The following KLHL1 variants were observed in gnomAD, a reference collection of about 807,000 sequenced individuals.
KLHL1 encodes kelch like family member 1.
Under a neutral mutation model 77.7 loss-of-function variants are expected in KLHL1, and 47 were observed. That is an observed-to-expected ratio of 0.60 (90% CI 0.48 to 0.77). The LOEUF is 0.77. Ranked by LOEUF, KLHL1 falls within the 30% of genes least tolerant of loss-of-function variation. The pLI, the probability that KLHL1 is intolerant of heterozygous loss-of-function variation, is 0.00. For synonymous variants in KLHL1, 360 were observed against 325.2 expected (o/e 1.11, Z -1.15); for missense variants, 925 against 910.8 (o/e 1.02, Z -0.20).
chr13:69,825,428 T>C (rs1878507262), intron 6 of KLHL1, among the ~76,000 whole-genome samples: 1 of 152,094 alleles, frequency 6.6e-6, no homozygotes, highest in African/African-American at 2.4e-5. Flanking sequence ...AGGAAAAACC[T>C]GCCAGTTAAA....
At position 70,107,367 on chromosome 13, in the gene KLHL1, G is replaced by T; in HGVS notation, c.333C>A (p.Gly111=). ...TRLQQGAPGQ[G]TQQPARTLFY... ...AGAGAGTCCTGGCTGGCTGCTGAGT[G>T]CCCTGCCCAGGAGCCCCTTGCTGCA... Residue 111 remains glycine (G), a synonymous_variant, in exon 1 of 11, where the codon GGC becomes GGA. Coordinates refer to ENST00000377844, the MANE Select transcript of KLHL1 (RefSeq NM_020866.3). 6.2e-7 allele frequency: 1 copy of T among 1,614,078 alleles called. No homozygotes were observed. Among genetic ancestry groups the T allele is most frequent in the Non-Finnish European group, 8.5e-7 (1 of 1,180,028 alleles).
intron 4 of KLHL1, among the ~76,000 whole-genome samples, chr13:69,925,808 C>T (rs1364463445): frequency 6.6e-6 from 1 of 152,172 alleles, no homozygotes; most frequent in Non-Finnish European, 1.5e-5. Context: ...TTGTTACTCT[C>T]ATTCATGAGA....
intron 1 of KLHL1, among the ~76,000 whole-genome samples, chr13:69,989,781 G>C (rs973215126): frequency 3.3e-5 from 5 of 151,874 alleles, no homozygotes; most frequent in Non-Finnish European, 4.4e-5. Context: ...TTAGTGTATA[G>C]GAATGCTACT....
intron 8 of KLHL1, among the ~76,000 whole-genome samples, chr13:69,721,079 A>ATATATATATATAT (rs1555300737): frequency 6.7e-4 from 45 of 67,604 alleles, no homozygotes; most frequent in Non-Finnish European, 1.1e-3. Flanking sequence ...ATATATATAT[A>ATATATATATATAT]AAGCTATGTA....
intron 5 of KLHL1, among the ~76,000 whole-genome samples, chr13:69,847,655 A>T (rs546785762): frequency 2.0e-5 from 3 of 151,696 alleles, no homozygotes; most frequent in Admixed American, 1.3e-4. Flanking sequence ...ACACTCTCAC[A>T]TTCATGATAA....
chr13:70,087,325 G>A (rs552025747), intron 1 of KLHL1, among the ~76,000 whole-genome samples: 4 of 152,146 alleles, frequency 2.6e-5, no homozygotes, highest in East Asian at 1.9e-4. Context: ...CCAAACAGCC[G>A]CATCCAGACC....
At chr13:69,735,440 T>C (rs1254695858) in intron 8 of KLHL1, among the ~76,000 whole-genome samples, 1 of 150,722 alleles carries the variant, frequency 6.6e-6, no homozygotes, top group African/African-American at 2.4e-5. Context: ...TTATTAAATG[T>C]TTATCTTTCT....
intron 1 of KLHL1, among the ~76,000 whole-genome samples, chr13:69,992,551 G>A (rs1770983477): frequency 6.6e-6 from 1 of 151,972 alleles, no homozygotes; most frequent in African/African-American, 2.4e-5. Flanking sequence ...TGTAGATGAG[G>A]AGACCAAAAC....
At chr13:69,971,344 C>T (rs1454481118) in intron 2 of KLHL1, among the ~76,000 whole-genome samples, 1 of 151,646 alleles carries the variant, frequency 6.6e-6, no homozygotes, top group Non-Finnish European at 1.5e-5. Flanking sequence ...GTTGTTATTC[C>T]TCTCCTCAAG....
intron 4 of KLHL1, among the ~76,000 whole-genome samples, chr13:69,896,702 TCTG>T (rs1881655648): frequency 6.6e-6 from 1 of 150,480 alleles, no homozygotes; most frequent in Admixed American, 6.6e-5. Context: ...AGAGTCTCAC[TCTG>T]TTGCCCAGGC....
chr13:69,701,635 TCTTGCCATTCAATATAAAAATAA>T lies in KLHL1; in HGVS notation c.*44_*66del. ...AGTTTTCATCTCTGGAAGTTCTCAT[TCTTGCCATTCAATATAAAAATAA>T]CCACTCCAGCAAGTAAAATCTTTCC... On this transcript the variant is annotated 3_prime_UTR_variant, in exon 11 of 11. Coordinates refer to ENST00000377844, the MANE Select transcript of KLHL1 (RefSeq NM_020866.3). The T allele has an allele frequency of 2.7e-6, 3 of 1,104,706 alleles. No individual in the cohort carries two copies. Among genetic ancestry groups the T allele is most frequent in the Non-Finnish European group, 4.1e-6 (3 of 734,638 alleles). 68.4% of individuals were successfully genotyped at this position (1,104,706 alleles called of 1,614,324 possible). A position where few individuals can be genotyped will look rare whatever the true frequency, so the allele number is the denominator to read the frequency against.
chr13:70,054,164 C>A (rs1469325769), intron 1 of KLHL1, among the ~76,000 whole-genome samples: 2 of 152,104 alleles, frequency 1.3e-5, no homozygotes. Flanking sequence ...GTGCTAGTCA[C>A]ATAGATTGTC....
intron 1 of KLHL1, among the ~76,000 whole-genome samples, chr13:69,997,339 A>G (rs1319800609): frequency 1.3e-5 from 2 of 151,528 alleles, no homozygotes; most frequent in Admixed American, 6.6e-5. Flanking sequence ...TATGTCTTTC[A>G]TCAAATTGTT....
At chr13:69,763,672 C>G (rs147327638) in intron 7 of KLHL1, among the ~76,000 whole-genome samples, 103 of 152,274 alleles carry the variant, frequency 6.8e-4, no homozygotes, top group African/African-American at 2.3e-3. Context: ...AGGTGAGAAC[C>G]TGACCAAAAA....
At chr13:69,840,483 C>T (rs1879202993) in intron 5 of KLHL1, among the ~76,000 whole-genome samples, 1 of 151,940 alleles carries the variant, frequency 6.6e-6, no homozygotes, top group Non-Finnish European at 1.5e-5. Context: ...CTCTGTCTCC[C>T]AGATTGCTGG....
chr13:69,964,456 T>C (rs1452355394), intron 2 of KLHL1, among the ~76,000 whole-genome samples: 1 of 152,180 alleles, frequency 6.6e-6, no homozygotes, highest in Non-Finnish European at 1.5e-5. Flanking sequence ...TTTAGTTATT[T>C]AGCTGTAAGT....
chr13:69,981,612 T>C (rs1303700836), intron 1 of KLHL1, among the ~76,000 whole-genome samples: 1 of 152,060 alleles, frequency 6.6e-6, no homozygotes, highest in African/African-American at 2.4e-5. Context: ...TAGATTATAT[T>C]TGCATTAGAG....
chr13:69,756,639 A>T (rs576134191), intron 7 of KLHL1, among the ~76,000 whole-genome samples: 1 of 152,190 alleles, frequency 6.6e-6, no homozygotes, highest in Admixed American at 6.6e-5. Flanking sequence ...CTAAATTAAC[A>T]TGGTAAATTA....
At chr13:69,758,442 T>C (rs1388023929) in intron 7 of KLHL1, among the ~76,000 whole-genome samples, 1 of 152,092 alleles carries the variant, frequency 6.6e-6, no homozygotes, top group African/African-American at 2.4e-5. Flanking sequence ...TTTCCTTCAT[T>C]TTGAAACAAC....
Sources: gnomAD v4.1 joint callset for allele counts (sites outside exome capture counted in the v4.1 genomes callset) on GRCh38, gnomAD v4.1.1 for gene constraint, MANE v1.5 for transcripts, NCBI Gene and HGNC (gene_info 2026-07-23, HGNC 2026-07-21) for gene names.